DBH: variants seen among roughly 807,000 people sequenced by gnomAD.
The protein encoded by DBH is dopamine beta-hydroxylase (dopamine beta-monooxygenase).
In DBH, 49 loss-of-function variants were observed where a neutral mutation model predicts 64.0. That is an observed-to-expected ratio of 0.77 (90% CI 0.61 to 0.97). The LOEUF is 0.97. Ranked by LOEUF, DBH falls within the 50% of genes least tolerant of loss-of-function variation. The pLI is 0.00. For synonymous variants in DBH, 343 were observed against 347.1 expected, an observed-to-expected ratio of 0.99 and a Z score of 0.13; for missense variants, 828 against 826.6, an observed-to-expected ratio of 1.00 and a Z score of -0.02.
chr9:133,646,847 T>G (rs947251708), intron 5 of DBH, among the ~76,000 whole-genome samples: 1 of 152,120 alleles, frequency 6.6e-6, no homozygotes, highest in Non-Finnish European at 1.5e-5. Flanking sequence ...GACCATCAGT[T>G]TCATGTGACC....
At chr9:133,652,714 G>C (rs1049420160) in intron 8 of DBH, among the ~76,000 whole-genome samples, 12 of 152,152 alleles carry the variant, frequency 7.9e-5, no homozygotes, top group African/African-American at 2.9e-4. Flanking sequence ...CCCTGGCCCT[G>C]TTGTGACCCA....
chr9:133,653,052 A>C, intron 9 of DBH, 53 bp downstream of exon 9: 1 of 1,384,174 alleles, frequency 7.2e-7, no homozygotes, highest in South Asian at 1.2e-5. Flanking sequence ...GTTCAGCCTG[A>C]GCCATCTGAG....
chr9:133,639,190 C>G (rs1473406396), intron 1 of DBH, among the ~76,000 whole-genome samples: 1 of 144,262 alleles, frequency 6.9e-6, no homozygotes, highest in South Asian at 2.2e-4. Flanking sequence ...GCCAGGAGTT[C>G]AGGACCAGCC....
At position 133,636,614 on chromosome 9, in the gene DBH, C is replaced by T; in HGVS notation, c.243C>T (p.Leu81=). 1 of 1,613,642 alleles carries T rather than the reference C, an allele frequency of 6.2e-7. No homozygotes were observed. Among genetic ancestry groups the T allele is most frequent in the Non-Finnish European group, 8.5e-7 (1 of 1,180,008 alleles). Residue 81 remains leucine (L), a synonymous_variant, in exon 1 of 12, where the codon CTC becomes CTT. Transcript: ENST00000393056. ...ATTTCCAGCTCCTGGTGCGGAGGCT[C>T]AAGGCTGGCGTCCTGTTTGGGATGT... is the stretch of plus-strand genomic sequence containing the variant. ...AIHFQLLVRR[L]KAGVLFGMSD...
intron 1 of DBH, among the ~76,000 whole-genome samples, chr9:133,637,490 T>C (rs1832067112): frequency 6.6e-6 from 1 of 152,192 alleles, no homozygotes; most frequent in Non-Finnish European, 1.5e-5. Context: ...AGGGCTTCTT[T>C]GTGGATGAAA....
In DBH at chr9:133,651,628, C is replaced by G; in HGVS notation, c.1192-6C>G. 6.2e-7 allele frequency: 1 copy of G among 1,613,466 alleles called. No individual in the cohort carries two copies. The highest frequency in any genetic ancestry group is 8.5e-7 in the Non-Finnish European group (1 of 1,180,000). The stretch of plus-strand genomic sequence containing the variant: ...GCCCTGACACTGCAGCCCCCCGACC[C>G]CACAGGCACTGCCTCCCTCCGGGAT... On this transcript the variant is annotated splice_region_variant and splice_polypyrimidine_tract_variant and intron_variant, in intron 6 of 11. Coordinates refer to ENST00000393056, the MANE Select transcript of DBH (RefSeq NM_000787.4).
chr9:133,645,386 A>G (rs1191481054), intron 5 of DBH, among the ~76,000 whole-genome samples: 1 of 152,144 alleles, frequency 6.6e-6, no homozygotes, highest in Non-Finnish European at 1.5e-5. Flanking sequence ...AAGCAAATGG[A>G]TTTTTGAAAA....
rs1051112072 is a variant in DBH, at chr9:133,657,307, G to A, written c.1722+78G>A. The A allele has an allele frequency of 8.9e-6, 14 of 1,568,114 alleles. No individual in the cohort carries two copies. In the African/African-American group the frequency reaches 1.6e-4, roughly 18 times the overall value. ...GGCCCCAGTGAGGGGTGATGGGTCT[G>A]CACTCCAAACTGCTGGCAAAAGCAC... On this transcript the variant is annotated intron_variant, in intron 11 of 11. Coordinates refer to ENST00000393056, the MANE Select transcript of DBH (RefSeq NM_000787.4).
In DBH at chr9:133,643,710, GA is replaced by G; in HGVS notation, c.921+122del. 1 of 1,155,514 alleles carries G rather than the reference GA, an allele frequency of 8.7e-7. No homozygotes were observed. The highest frequency in any genetic ancestry group is 2.6e-5 in the East Asian group (1 of 38,996). 71.6% of individuals were successfully genotyped at this position (1,155,514 alleles called of 1,614,324 possible). On this transcript the variant is annotated intron_variant, in intron 4 of 11. Coordinates refer to ENST00000393056, the MANE Select transcript of DBH (RefSeq NM_000787.4). This position sits in a 1 kb window ranked among gnomAD's most constrained non-coding sequence, Gnocchi z 5.3. ...AGAAGGGGCTCCCAAGGGGGCTCAC[GA>G]GGCCACCAGAAGGGCCAGGCCTGAG...
At chr9:133,657,484 GA>G (rs1832347671) in intron 11 of DBH, among the ~76,000 whole-genome samples, 3 of 148,638 alleles carry the variant, frequency 2.0e-5, no homozygotes, top group South Asian at 2.2e-4. Context: ...GAGAGGGAGA[GA>G]GGAGAGAGAG....
chr9:133,639,021 C>T (rs534492719), intron 1 of DBH, among the ~76,000 whole-genome samples: 2 of 151,988 alleles, frequency 1.3e-5, no homozygotes, highest in African/African-American at 2.4e-5. Flanking sequence ...TCCAATGCCT[C>T]CCTGGGCCTC....
chr9:133,636,757 C>T (rs774361801), intron 1 of DBH, 47 bp downstream of exon 1: 1 of 1,547,226 alleles, frequency 6.5e-7, no homozygotes, highest in South Asian at 1.1e-5. Context: ...CCTGACCCGG[C>T]ACCCCATCTG....
chr9:133,646,821 G>A (rs772699259), intron 5 of DBH, among the ~76,000 whole-genome samples: 4 of 152,170 alleles, frequency 2.6e-5, no homozygotes, highest in African/African-American at 4.8e-5. Context: ...CACCGTGCCC[G>A]GCCCCCTGGA....
chr9:133,655,947 G>A (rs9409875), intron 9 of DBH: 5,187 of 159,228 alleles, frequency 0.033, 116 homozygotes, highest in South Asian at 0.065. Context: ...ATGGCAGGCC[G>A]TAGGGTTGCC....
At chr9:133,657,431 GA>G (rs1239276087) in intron 11 of DBH, 16 of 464,858 alleles carry the variant, frequency 3.4e-5, no homozygotes, top group East Asian at 2.2e-4. Context: ...AGAGGAGAGA[GA>G]GGAGAGAGAG....
intron 5 of DBH, among the ~76,000 whole-genome samples, chr9:133,646,555 C>T (rs1455574964): frequency 3.3e-5 from 5 of 152,188 alleles, no homozygotes; most frequent in Admixed American, 3.3e-4. Context: ...GACGAAATCT[C>T]ACTCTGTCAC....
chr9:133,642,845 C>T (rs141140605), intron 3 of DBH, among the ~76,000 whole-genome samples: 212 of 152,346 alleles, frequency 1.4e-3, no homozygotes, highest in African/African-American at 4.9e-3. Flanking sequence ...GACAGAATAG[C>T]AAAGGCGATA....
At chr9:133,648,590 C>A (rs7035577) in intron 6 of DBH, among the ~76,000 whole-genome samples, 1 of 152,184 alleles carries the variant, frequency 6.6e-6, no homozygotes, top group Non-Finnish European at 1.5e-5. Context: ...GTTTTCACCA[C>A]GCACCTGAGC....
At chr9:133,652,912 G>C in intron 8 of DBH, 28 bp from the exon 9 acceptor site, 2 of 1,601,216 alleles carry the variant, frequency 1.2e-6, no homozygotes, top group Non-Finnish European at 1.7e-6. Context: ...GGTGGCAGGT[G>C]CTGATGGTCA....
Sources: gnomAD v4.1 joint callset for allele counts (sites outside exome capture counted in the v4.1 genomes callset) on GRCh38, gnomAD v4.1.1 for gene constraint, Gnocchi (gnomAD v3.1) non-coding constraint, MANE v1.5 for transcripts, NCBI Gene and HGNC (gene_info 2026-07-23, HGNC 2026-07-21) for gene names.